The following DNAAF4 variants were observed in gnomAD, a reference collection of about 807,000 sequenced individuals.
DNAAF4 encodes dynein assembly factor 4, axonemal.
In DNAAF4, 43 loss-of-function variants were observed where a neutral mutation model predicts 51.8. The ratio of observed to expected loss-of-function variants is 0.83; its 90% confidence interval spans 0.65 to 1.07. The LOEUF is 1.07. DNAAF4 is among the 50% of genes least tolerant of loss of function. The pLI, the probability that DNAAF4 is intolerant of heterozygous loss-of-function variation, is 0.00. For missense variants in DNAAF4, 581 were observed against 493.0 expected, an observed-to-expected ratio of 1.18 and a Z score of -1.69; for synonymous variants, 194 against 165.6, an observed-to-expected ratio of 1.17 and a Z score of -1.32.
chr15:55,418,642 A>C lies in DNAAF4; in HGVS notation c.1048-509T>G. On this transcript the variant is annotated intron_variant, in intron 7 of 7. Transcript: ENST00000448430. ...TGAGTGTTAAATCTAAGGGTAGAAT[A>C]CCTAATAAAGAAGATAAAAAGTTTT... The C allele has an allele frequency of 1.2e-5, 12 of 1,037,744 alleles. No individual in the cohort carries two copies. The South Asian group carries it at 1.7e-4, about 15-fold the overall frequency. The allele number at this position is 1,037,744 out of a possible 1,614,324, so 64.3% of individuals were successfully genotyped here.
At chr15:55,482,460 T>A (rs549107534) in intron 4 of DNAAF4, among the ~76,000 whole-genome samples, 9 of 152,200 alleles carry the variant, frequency 5.9e-5, no homozygotes, top group African/African-American at 2.2e-4. Context: ...GTGGATCACC[T>A]GAGGTCAAGA....
Position 55,498,494 on chromosome 15 carries a change from A to G in DNAAF4, c.-165T>C. 1 of 947,466 alleles carries G rather than the reference A, an allele frequency of 1.1e-6. No individual in the cohort carries two copies. Among genetic ancestry groups the G allele is most frequent in the Non-Finnish European group, 1.5e-6 (1 of 668,624 alleles). The allele number at this position is 947,466 out of a possible 1,614,324, so 58.7% of individuals were successfully genotyped here. On this transcript the variant is annotated 5_prime_UTR_variant, in exon 2 of 10. Coordinates refer to ENST00000321149, the MANE Select transcript of DNAAF4 (RefSeq NM_130810.4). ...CAGCACCTCGCGGACTCCATGCGTG[A>G]CTATCCAGGCGCCCAGACCAGAGAG...
At position 55,491,103 on chromosome 15, in the gene DNAAF4, C is replaced by G. The variant is rs1325328787; in HGVS notation, c.405+20G>C. 87 of 1,613,600 alleles carry G rather than the reference C, an allele frequency of 5.4e-5. No homozygotes were observed. In the East Asian group the frequency reaches 1.9e-3, roughly 36 times the overall value. The stretch of plus-strand genomic sequence containing the variant: ...TACTATTATCTCTTTAGAGGACTTG[C>G]CTGTCATTCTGCAACTTACCTTCAT... On this transcript the variant is annotated intron_variant, in intron 4 of 9. Transcript: ENST00000321149.
intron 6 of DNAAF4, among the ~76,000 whole-genome samples, chr15:55,447,839 A>T (rs1595905743): frequency 4.2e-5 from 1 of 23,606 alleles, no homozygotes; most frequent in Admixed American, 5.8e-4. Flanking sequence ...CAGAGGGGAG[A>T]GGGGAGAGGG....
intron 7 of DNAAF4, among the ~76,000 whole-genome samples, chr15:55,423,663 C>CT (rs148086819): frequency 5.3e-5 from 8 of 152,252 alleles, no homozygotes; most frequent in Non-Finnish European, 1.0e-4. Flanking sequence ...ACTAAAAAAG[C>CT]TAAAGTAAAG....
At chr15:55,424,282 CAAG>C (rs1024718199) in intron 7 of DNAAF4, among the ~76,000 whole-genome samples, 1 of 152,154 alleles carries the variant, frequency 6.6e-6, no homozygotes, top group Admixed American at 6.6e-5. Context: ...TATCATATAG[CAAG>C]AAGGTCTTCA....
intron 2 of DNAAF4, 121 bp from the exon 3 acceptor site, chr15:55,497,980 T>C: frequency 1.4e-6 from 2 of 1,386,456 alleles, no homozygotes; most frequent in Non-Finnish European, 1.9e-6. Flanking sequence ...TGCCAGGTAG[T>C]GAAAGATTAG....
At chr15:55,482,878 T>C (rs1355538846) in intron 4 of DNAAF4, among the ~76,000 whole-genome samples, 1 of 152,194 alleles carries the variant, frequency 6.6e-6, no homozygotes, top group East Asian at 1.9e-4. Context: ...AACTTATACA[T>C]GCTACAATAT....
rs374359829 is a variant in DNAAF4 at position 55,433,995 on chromosome 15, A to AT, written c.1047+909_1047+910insA. Reference sequence around the variant, plus strand: ...TTTATATATTATATATAATATATATAATATTATATATATTATATATATTCT... The same window carrying AT: ...TTTATATATTATATATAATATATATATATATTATATATATTATATATATTCT... On this transcript the variant is annotated intron_variant, in intron 8 of 9. Transcript: ENST00000321149. 1.7e-3 allele frequency among the ~76,000 whole-genome samples: 56 copies of AT among 33,306 alleles called. 1 individual carries two copies. Among genetic ancestry groups the AT allele is most frequent in the African/African-American group, 4.4e-3 (55 of 12,566 alleles). The allele number at this position is 33,306 out of a possible 152,430, so 21.9% of individuals were successfully genotyped here.
At chr15:55,456,649 G>A (rs1057246395) in intron 5 of DNAAF4, among the ~76,000 whole-genome samples, 7 of 152,132 alleles carry the variant, frequency 4.6e-5, no homozygotes, top group Admixed American at 3.3e-4. Flanking sequence ...GAAGTGGTTC[G>A]CTGCTGCAAA....
chr15:55,488,287 C>T (rs1395109687), intron 4 of DNAAF4, among the ~76,000 whole-genome samples: 3 of 152,188 alleles, frequency 2.0e-5, no homozygotes, highest in South Asian at 4.2e-4. Context: ...CACAGTATAG[C>T]GAATTGACAC....
rs3888227 is a variant in DNAAF4 at position 55,498,637 on chromosome 15, A to G, written c.-255-53T>C. 0.18 allele frequency: 42,151 copies of G among 233,048 alleles called. 5,931 individuals carry two copies. The highest frequency in any genetic ancestry group is 0.45 in the African/African-American group (18,324 of 40,326). The allele number at this position is 233,048 out of a possible 1,614,324, so 14.4% of individuals were successfully genotyped here. A position where few individuals can be genotyped will look rare whatever the true frequency, so the allele number is the denominator to read the frequency against. ...AAGCACTCTGTGGGTCGGGCGCGCT[A>G]GCTCACGCCTGTAATCCCAGAACTT... On this transcript the variant is annotated intron_variant, in intron 1 of 9. Coordinates refer to ENST00000321149, the MANE Select transcript of DNAAF4 (RefSeq NM_130810.4).
chr15:55,473,712 C>T (rs1048343925), intron 4 of DNAAF4, among the ~76,000 whole-genome samples: 2 of 152,022 alleles, frequency 1.3e-5, no homozygotes, highest in African/African-American at 4.8e-5. Flanking sequence ...TAGAAATAGC[C>T]GGGCGCAGTG....
intron 1 of DNAAF4, among the ~76,000 whole-genome samples, chr15:55,506,859 T>C (rs1169387249): frequency 2.0e-5 from 3 of 152,156 alleles, no homozygotes; most frequent in African/African-American, 7.2e-5. Context: ...ATTTTTCTTT[T>C]TTCTTTTTTT....
At chr15:55,463,481 G>C (rs1165997451) in intron 5 of DNAAF4, among the ~76,000 whole-genome samples, 1 of 152,082 alleles carries the variant, frequency 6.6e-6, no homozygotes, top group Admixed American at 6.6e-5. Context: ...AAATCAGTAA[G>C]GAGGAAGTCA....
rs536384372 is a variant in DNAAF4, at chr15:55,432,683, C to T, written c.1048-81G>A. The T allele has an allele frequency of 9.2e-5, 117 of 1,268,108 alleles. No individual in the cohort carries two copies. The African/African-American group carries it at 1.1e-3, about 12-fold the overall frequency. The allele number at this position is 1,268,108 out of a possible 1,614,324, so 78.6% of individuals were successfully genotyped here. A position where few individuals can be genotyped will look rare whatever the true frequency, so the allele number is the denominator to read the frequency against. On this transcript the variant is annotated intron_variant, in intron 8 of 9. Coordinates refer to ENST00000321149, the MANE Select transcript of DNAAF4 (RefSeq NM_130810.4). ...GCAAAAGGCTGGGCATGGTGGCTCA[C>T]GCCTGTAATCCCAACACTTGGGGAG...
downstream of DNAAF4, among the ~76,000 whole-genome samples, chr15:55,428,947 C>T (rs755644488): frequency 7.9e-5 from 12 of 151,546 alleles, no homozygotes; most frequent in Non-Finnish European, 1.5e-4. Context: ...TTAGGCCAGG[C>T]GCGGGGGGTC....
chr15:55,433,502 TTCAGTCCC>T, intron 8 of DNAAF4, among the ~76,000 whole-genome samples: 1 of 151,132 alleles, frequency 6.6e-6, no homozygotes, highest in Middle Eastern at 3.4e-3. Flanking sequence ...GGCGGGCGCC[TTCAGTCCC>T]AGCTACTCCG....
chr15:55,495,467 G>C (rs772347216), intron 3 of DNAAF4, among the ~76,000 whole-genome samples: 1 of 152,168 alleles, frequency 6.6e-6, no homozygotes, highest in African/African-American at 2.4e-5. Context: ...TCTGGGTGCA[G>C]TGGCTCACGC....
Sources: allele counts gnomAD v4.1 joint callset (sites outside exome capture counted in the v4.1 genomes callset), GRCh38; gene constraint gnomAD v4.1.1; transcripts MANE v1.5; gene names NCBI Gene and HGNC (gene_info 2026-07-23, HGNC 2026-07-21).